The following HERC1 variants were observed in gnomAD, a reference collection of about 807,000 sequenced individuals.
The protein encoded by HERC1 is probable E3 ubiquitin-protein ligase HERC1.
Under a neutral mutation model 554.3 loss-of-function variants are expected in HERC1, and 160 were observed. That is an observed-to-expected ratio of 0.29 (90% CI 0.25 to 0.33). HERC1 has a LOEUF of 0.33. Among genes scored for constraint, HERC1 ranks in the 10% least tolerant of loss-of-function variants. The pLI is 1.00. For synonymous variants in HERC1, 2,175 were observed against 2,131.7 expected, an observed-to-expected ratio of 1.02 and a Z score of -0.56; for missense variants, 4,919 against 5,918.5, an observed-to-expected ratio of 0.83 and a Z score of 5.54.
intron 1 of HERC1, among the ~76,000 whole-genome samples, chr15:63,809,496 C>A (rs2077235693): frequency 6.6e-6 from 1 of 151,968 alleles, no homozygotes; most frequent in South Asian, 2.1e-4. Flanking sequence ...GTTCCCATAA[C>A]AAGGCTACAC....
At chr15:63,615,294 T>C (rs1360130627) in intron 76 of HERC1, among the ~76,000 whole-genome samples, 1 of 152,188 alleles carries the variant, frequency 6.6e-6, no homozygotes, top group African/African-American at 2.4e-5. Flanking sequence ...GAGAAGTCTC[T>C]GAATAGGGTT....
rs34323931 is a variant in HERC1, at chr15:63,776,037, C to CAA, written c.-26-390_-26-389dup. Among the ~76,000 whole-genome samples the CAA allele has an allele frequency of 3.7e-3, 487 of 131,022 alleles. 3 individuals are homozygous for CAA. Among genetic ancestry groups the CAA allele is most frequent in the African/African-American group, 9.0e-3 (312 of 34,802 alleles). 86.0% of individuals were successfully genotyped at this position (131,022 alleles called of 152,430 possible). On this transcript the variant is annotated intron_variant, in intron 1 of 77. Coordinates refer to ENST00000443617, the MANE Select transcript of HERC1 (RefSeq NM_003922.4). Reference sequence around the variant, plus strand: ...TGGGTGACAAAGCGAGACTCCGTCTCAAAAAAAAAAAAAAAAGTTTATGTT... The same window carrying CAA: ...TGGGTGACAAAGCGAGACTCCGTCTCAAAAAAAAAAAAAAAAAAGTTTATGTT...
intron 3 of HERC1, among the ~76,000 whole-genome samples, chr15:63,763,025 C>T (rs1401750612): frequency 6.6e-6 from 1 of 152,194 alleles, no homozygotes; most frequent in Non-Finnish European, 1.5e-5. Flanking sequence ...ATTCTCACCA[C>T]CTATTTCTTT....
In HERC1 at chr15:63,678,031, T is replaced by C. The variant is rs910466717; in HGVS notation, c.6884A>G (p.Gln2295Arg). 2.4e-5 allele frequency: 39 copies of C among 1,613,914 alleles called. No homozygotes were observed. The highest frequency in any genetic ancestry group is 3.1e-5 in the Non-Finnish European group (37 of 1,179,894). Residue 2295 changes from glutamine to arginine, a missense_variant, in exon 37 of 78, where the codon CAG becomes CGG. Physicochemically the swap from Gln to Arg is conservative, Grantham distance 43 (BLOSUM62 1). This residue lies in a region of HERC1 where 1,963 missense variants were observed against 2,228.6 expected (regional missense o/e 0.88). Transcript: ENST00000443617. Reference protein sequence around the residue: ...RHGLADLSELQLRTLCIEVWP... With the variant: ...RHGLADLSELRLRTLCIEVWP... ...CACCTCTATGCAAAGAGTCCTCAGCTGCAGCTCTGAGAGGTCAGCGAGGCC... is the reference window on the plus strand; with the variant it reads ...CACCTCTATGCAAAGAGTCCTCAGCCGCAGCTCTGAGAGGTCAGCGAGGCC...
At chr15:63,683,135 C>CA (rs1336396917) in intron 34 of HERC1, among the ~76,000 whole-genome samples, 26,195 of 77,136 alleles carry the variant, frequency 0.34, 3,775 homozygotes, top group Middle Eastern at 0.46. Flanking sequence ...CACTCTGTCT[C>CA]AAAAAAAAAA....
intron 64 of HERC1, 84 bp downstream of exon 64, chr15:63,637,421 G>C (rs2068830593): frequency 8.7e-7 from 1 of 1,155,962 alleles, no homozygotes; most frequent in East Asian, 2.7e-5. Flanking sequence ...ATCTAGCAAA[G>C]GTTTGAGAAG....
At chr15:63,642,839 C>A in intron 59 of HERC1, 118 bp downstream of exon 59, 1 of 669,572 alleles carries the variant, frequency 1.5e-6, no homozygotes, top group South Asian at 1.7e-5. Flanking sequence ...CTGTTTTGGA[C>A]AAGTAGTAAT....
chr15:63,805,720 G>C (rs1280575260), intron 1 of HERC1, among the ~76,000 whole-genome samples: 1 of 152,200 alleles, frequency 6.6e-6, no homozygotes, highest in Non-Finnish European at 1.5e-5. Flanking sequence ...GCTGAGGCAG[G>C]AGGACTGCTT....
chr15:63,745,752 G>GT (rs35453064), intron 12 of HERC1, among the ~76,000 whole-genome samples: 1 of 152,156 alleles, frequency 6.6e-6, no homozygotes, highest in East Asian at 1.9e-4. Flanking sequence ...TATGAAGGTG[G>GT]TTTTTTCTGT....
At chr15:63,755,120 CAAAAT>C in intron 6 of HERC1, 104 bp downstream of exon 6, 1 of 728,518 alleles carries the variant, frequency 1.4e-6, no homozygotes, top group Non-Finnish European at 2.4e-6. Flanking sequence ...CTTAAACTAA[CAAAAT>C]AAATGACAGT....
rs1217576941 is a variant in HERC1 at position 63,638,432 on chromosome 15, G to A, written c.12072C>T (p.Pro4024=). The part of the protein sequence containing the change: ...GRNVMVPAAA[P]SFSQAQQVIC... Reference sequence around the variant, plus strand: ...TTACCTGTTGGGCCTGTGAGAATGAGGGAGCTGCTGCAGGTACCATTACAT... The same window carrying A: ...TTACCTGTTGGGCCTGTGAGAATGAAGGAGCTGCTGCAGGTACCATTACAT... Residue 4024 remains proline (P), a synonymous_variant, in exon 63 of 78, where the codon CCC becomes CCT. Transcript: ENST00000443617. The A allele has an allele frequency of 1.9e-6, 3 of 1,613,576 alleles. No individual in the cohort carries two copies. The highest frequency in any genetic ancestry group is 1.7e-6 in the Non-Finnish European group (2 of 1,179,730).
chr15:63,833,131 G>A (rs1246972965), intron 1 of HERC1, among the ~76,000 whole-genome samples: 1 of 152,184 alleles, frequency 6.6e-6, no homozygotes, highest in Non-Finnish European at 1.5e-5. Context: ...CATGTTCCCC[G>A]GGGTAGCTCC....
At position 63,714,813 on chromosome 15, in the gene HERC1, C is replaced by G. The variant is rs377561505; in HGVS notation, c.4151-1148G>C. Among the ~76,000 whole-genome samples, 88 of 152,126 alleles carry G rather than the reference C, an allele frequency of 5.8e-4. 3 individuals are homozygous for G. In the South Asian group the frequency reaches 0.018, roughly 31 times the overall value. ...CCGCCTGCCTCGGCCTCCCAAAGTG[C>G]TGGGATTACAGCCGTGAGCCACCGC... On this transcript the variant is annotated intron_variant, in intron 22 of 77. Coordinates refer to ENST00000443617, the MANE Select transcript of HERC1 (RefSeq NM_003922.4).
At chr15:63,688,136 C>T (rs2071887353) in intron 33 of HERC1, among the ~76,000 whole-genome samples, 2 of 152,126 alleles carry the variant, frequency 1.3e-5, no homozygotes, top group Admixed American at 1.3e-4. Flanking sequence ...AAGGTTACTG[C>T]ATAGTTCAGG....
intron 12 of HERC1, among the ~76,000 whole-genome samples, chr15:63,743,384 C>T (rs979907950): frequency 1.3e-5 from 2 of 151,640 alleles, no homozygotes; most frequent in Admixed American, 6.6e-5. Flanking sequence ...GCCTTAGCCT[C>T]CCGAGTAGCT....
chr15:63,666,382 T>C lies in HERC1; in HGVS notation c.8297A>G (p.Gln2766Arg). Residue 2766 changes from glutamine (Q) to arginine (R), a missense_variant, in exon 41 of 78, where the codon CAG becomes CGG. By Grantham distance (43) the Gln-to-Arg change is conservative. Coordinates refer to ENST00000443617, the MANE Select transcript of HERC1 (RefSeq NM_003922.4). ...TGTAGCTTCCATGGCTTTGGCAATC[T>C]GCCGAAGAGAGAACCCCATTTCCAG... ...PLLEMGFSLR[Q>R]IAKAMEATGA... 1 of 1,613,462 alleles carries C rather than the reference T, an allele frequency of 6.2e-7. No homozygotes were observed. Among genetic ancestry groups the C allele is most frequent in the Non-Finnish European group, 8.5e-7 (1 of 1,179,562 alleles).
At chr15:63,829,553 G>GTA (rs1446018507) in intron 1 of HERC1, among the ~76,000 whole-genome samples, 1 of 64,196 alleles carries the variant, frequency 1.6e-5, no homozygotes, top group Non-Finnish European at 3.5e-5. Context: ...ATGTGTGTGT[G>GTA]TGTGTGTGTA....
chr15:63,639,852 T>C (rs369461656), intron 61 of HERC1, among the ~76,000 whole-genome samples: 1 of 152,192 alleles, frequency 6.6e-6, no homozygotes, highest in Non-Finnish European at 1.5e-5. Flanking sequence ...CTAAGATATA[T>C]ACAACTAAAG....
chr15:63,690,481 T>G, intron 32 of HERC1, 60 bp downstream of exon 32: 1 of 1,067,374 alleles, frequency 9.4e-7, no homozygotes, highest in Non-Finnish European at 1.4e-6. Context: ...TAAGTACAGA[T>G]TTGGGTGAAT....
Sources: gnomAD v4.1 joint callset for allele counts (sites outside exome capture counted in the v4.1 genomes callset) on GRCh38, gnomAD v4.1.1 for gene constraint, gnomAD v4.1.1 regional missense constraint, MANE v1.5 for transcripts, NCBI Gene and HGNC (gene_info 2026-07-23, HGNC 2026-07-21) for gene names.